Variants in EPB41L4A observed in about 807,000 individuals in gnomAD.
EPB41L4A encodes the protein erythrocyte membrane protein band 4.1 like 4A, also known as band 4.1-like protein 4A.
EPB41L4A carries 100 observed loss-of-function variants against 108.6 expected under a neutral mutation model. The observed-to-expected ratio is 0.92, with a 90% CI of 0.78 to 1.09. The LOEUF (loss-of-function observed/expected upper bound fraction) is 1.09. Ranked by LOEUF, EPB41L4A falls within the 50% of genes least tolerant of loss-of-function variation. The pLI is 0.00. For synonymous variants in EPB41L4A, 319 were observed against 289.0 expected, an observed-to-expected ratio of 1.10 and a Z score of -1.05; for missense variants, 1,030 against 842.7, an observed-to-expected ratio of 1.22 and a Z score of -2.75.
chr5:112,147,655 G>C (rs1759311411), intron 12 of EPB41L4A, among the ~76,000 whole-genome samples: 1 of 146,620 alleles, frequency 6.8e-6, no homozygotes, highest in Admixed American at 6.8e-5. Flanking sequence ...AAAAAAAAAA[G>C]ATTAGCAAAT....
chr5:112,246,845 C>G (rs564939449), intron 9 of EPB41L4A, among the ~76,000 whole-genome samples: 1 of 152,156 alleles, frequency 6.6e-6, no homozygotes, highest in Non-Finnish European at 1.5e-5. Context: ...TCCCTACCCC[C>G]CTCTTACATG....
chr5:112,385,226 C>T (rs2112631075), intron 1 of EPB41L4A, among the ~76,000 whole-genome samples: 1 of 152,196 alleles, frequency 6.6e-6, no homozygotes, highest in South Asian at 2.1e-4. Context: ...AAAAATGCTC[C>T]CCTCTGATAA....
chr5:112,226,235 G>A (rs1290538565), intron 12 of EPB41L4A, among the ~76,000 whole-genome samples: 1 of 152,162 alleles, frequency 6.6e-6, no homozygotes. Flanking sequence ...TCTCTGTGAT[G>A]ACAAACAACA....
chr5:112,215,624 G>A (rs1212957311), intron 12 of EPB41L4A, among the ~76,000 whole-genome samples: 2 of 151,932 alleles, frequency 1.3e-5, no homozygotes, highest in Admixed American at 6.6e-5. Context: ...TTAGCCAGGC[G>A]TGCTGGCAGG....
At chr5:112,263,595 C>G (rs1369169732) in intron 6 of EPB41L4A, 1 of 152,154 alleles carries the variant, frequency 6.6e-6, no homozygotes, top group African/African-American at 2.4e-5. Context: ...CATTGCCCTT[C>G]CTAATGTTAT....
chr5:112,296,992 C>CAT (rs796220580), intron 2 of EPB41L4A, among the ~76,000 whole-genome samples: 1,560 of 73,166 alleles, frequency 0.021, 12 homozygotes, highest in Middle Eastern at 0.082. Context: ...TACATACATA[C>CAT]ACACACACAC....
intron 1 of EPB41L4A, among the ~76,000 whole-genome samples, chr5:112,344,300 G>A (rs1373974934): frequency 6.6e-6 from 1 of 152,166 alleles, no homozygotes; most frequent in East Asian, 1.9e-4. Flanking sequence ...CTCAAGTCCT[G>A]TCCTTACAGA....
chr5:112,343,646 C>T (rs760903237), intron 1 of EPB41L4A, among the ~76,000 whole-genome samples: 1 of 151,564 alleles, frequency 6.6e-6, no homozygotes, highest in Non-Finnish European at 1.5e-5. Context: ...GGTTCTGAAG[C>T]CAGACTTGGC....
intron 3 of EPB41L4A, among the ~76,000 whole-genome samples, chr5:112,276,665 G>A (rs1203546320): frequency 2.0e-5 from 3 of 152,266 alleles, no homozygotes; most frequent in South Asian, 2.1e-4. Context: ...CCCCAGTCTC[G>A]CTATTCTTAA....
intron 1 of EPB41L4A, among the ~76,000 whole-genome samples, chr5:112,359,675 G>A (rs954334060): frequency 2.6e-5 from 4 of 152,010 alleles, no homozygotes; most frequent in African/African-American, 7.2e-5. Context: ...CGAGTAGCTG[G>A]GACTACAGGC....
chr5:112,153,546 A>T (rs1759546408), intron 12 of EPB41L4A, among the ~76,000 whole-genome samples: 1 of 149,862 alleles, frequency 6.7e-6, no homozygotes, highest in East Asian at 1.9e-4. Context: ...AAACAAAAGA[A>T]AAGAAAAAGA....
chr5:112,339,764 GACCTCAAGTAATCC>G (rs1000636598), intron 1 of EPB41L4A, among the ~76,000 whole-genome samples: 16 of 151,872 alleles, frequency 1.1e-4, no homozygotes, highest in African/African-American at 3.9e-4. Context: ...TCCAACTCCT[GACCTCAAGTAATCC>G]ACCTGCCTTC....
chr5:112,271,789 T>C (rs995025705), intron 4 of EPB41L4A, among the ~76,000 whole-genome samples: 3 of 152,186 alleles, frequency 2.0e-5, no homozygotes, highest in Non-Finnish European at 4.4e-5. Context: ...CATCAGGGAA[T>C]TATTATTTCT....
At chr5:112,175,293 A>G (rs1760805144) in intron 18 of EPB41L4A, 1 of 152,248 alleles carries the variant, frequency 6.6e-6, no homozygotes, top group Non-Finnish European at 1.5e-5. Context: ...CATGTAGAAA[A>G]GCAGGTTCAA....
Position 112,164,913 on chromosome 5 carries a change from G to C in EPB41L4A, c.*77C>G. On this transcript the variant is annotated 3_prime_UTR_variant, in exon 23 of 23. Coordinates refer to ENST00000261486, the MANE Select transcript of EPB41L4A (RefSeq NM_022140.5). The stretch of plus-strand genomic sequence containing the variant: ...CTTGCAGGTCTGAGATTTGAATTAA[G>C]ATACCTATTTCACAGTTTCAAAAGT... 1 of 1,340,766 alleles carries C rather than the reference G, an allele frequency of 7.5e-7. No homozygotes were observed. Among genetic ancestry groups the C allele is most frequent in the South Asian group, 1.7e-5 (1 of 57,556 alleles). The allele number at this position is 1,340,766 out of a possible 1,614,324, so 83.1% of individuals were successfully genotyped here.
intron 1 of EPB41L4A, among the ~76,000 whole-genome samples, chr5:112,416,112 T>C (rs531207822): frequency 6.6e-6 from 1 of 151,982 alleles, no homozygotes; most frequent in East Asian, 1.9e-4. Context: ...CTTTTCATGA[T>C]GACACATTAA....
chr5:112,262,630 A>G (rs754126594), intron 6 of EPB41L4A, 49 bp from the exon 7 acceptor site: 3 of 1,430,894 alleles, frequency 2.1e-6, no homozygotes, highest in African/African-American at 2.8e-5. Context: ...CAGCTACTGC[A>G]CTTACAGGGA....
In EPB41L4A at chr5:112,272,654, G is replaced by A. The variant is rs529039295; in HGVS notation, c.335+2672C>T. Among the ~76,000 whole-genome samples, 12 of 151,526 alleles carry A rather than the reference G, an allele frequency of 7.9e-5. No homozygotes were observed. In the East Asian group the frequency reaches 9.8e-4, roughly 12 times the overall value. On this transcript the variant is annotated intron_variant, in intron 4 of 22. Coordinates refer to ENST00000261486, the MANE Select transcript of EPB41L4A (RefSeq NM_022140.5). ...ATATTAGCTGGGCATGGTGGTGGGC[G>A]CCTGTAATCCCAGCTACTCGGGAGG... is the stretch of plus-strand genomic sequence containing the variant.
chr5:112,243,784 C>G (rs568345084), intron 9 of EPB41L4A, among the ~76,000 whole-genome samples: 1 of 152,344 alleles, frequency 6.6e-6, no homozygotes, highest in African/African-American at 2.4e-5. Context: ...CCTCACCTCT[C>G]TTAGACTTCA....
Sources: gnomAD v4.1 joint callset for allele counts (sites outside exome capture counted in the v4.1 genomes callset) on GRCh38, gnomAD v4.1.1 for gene constraint, MANE v1.5 for transcripts, NCBI Gene and HGNC (gene_info 2026-07-23, HGNC 2026-07-21) for gene names.